TENM3: variants seen among roughly 807,000 people sequenced by gnomAD.
The protein encoded by TENM3 is teneurin-3.
In TENM3, 63 loss-of-function variants were observed where a neutral mutation model predicts 255.1. That is an observed-to-expected ratio of 0.25 (90% CI 0.20 to 0.30). The LOEUF (loss-of-function observed/expected upper bound fraction) is 0.30, where lower values mean the gene tolerates loss of function less well. TENM3 is among the 10% of genes least tolerant of loss of function. The probability of loss-of-function intolerance (pLI) is 1.00; values close to 1 mark genes in which losing one functional copy is unlikely to be tolerated. For missense variants in TENM3, 2,929 were observed against 3,461.1 expected (o/e 0.85, Z 3.86); for synonymous variants, 1,306 against 1,322.3 (o/e 0.99, Z 0.27).
At chr4:182,681,442 C>G (rs1274209990) in intron 10 of TENM3, among the ~76,000 whole-genome samples, 1 of 152,174 alleles carries the variant, frequency 6.6e-6, no homozygotes, top group Non-Finnish European at 1.5e-5. Flanking sequence ...ATTTCTCAAA[C>G]AGTGTGAGGA....
intron 22 of TENM3, among the ~76,000 whole-genome samples, chr4:182,767,226 T>C (rs933112615): frequency 1.3e-5 from 2 of 152,226 alleles, no homozygotes; most frequent in Admixed American, 6.5e-5. Flanking sequence ...GTAAAATCTT[T>C]CGCTGTTGCT....
chr4:182,216,980 T>C (rs1755513518), intron 1 of TENM3, among the ~76,000 whole-genome samples: 1 of 150,882 alleles, frequency 6.6e-6, no homozygotes, highest in Non-Finnish European at 1.5e-5. Context: ...TGTATAAGTA[T>C]TTTTCTAAAT....
In TENM3 at chr4:182,161,673, A is replaced by ATATATATACACATATATATG. The variant is rs1386724701; in HGVS notation, c.-76+16920_-76+16921insATATATACACATATATATGT. Among the ~76,000 whole-genome samples the ATATATATACACATATATATG allele has an allele frequency of 6.5e-4, 39 of 60,022 alleles. 1 individual carries two copies. Among genetic ancestry groups the ATATATATACACATATATATG allele is most frequent in the Non-Finnish European group, 1.0e-3 (32 of 30,482 alleles). 39.4% of individuals were successfully genotyped at this position (60,022 alleles called of 152,430 possible). On this transcript the variant is annotated intron_variant, in intron 1 of 2. Transcript: ENST00000512480. ...TATATACACACACACAAATATATATATGTATATATATACACAAATATATAT... is the reference window on the plus strand; with the variant it reads ...TATATACACACACACAAATATATATATATATATACACATATATATGTGTATATATATACACAAATATATAT...
At chr4:181,741,231 T>C in the TENM3 span, among the ~76,000 whole-genome samples, 1 of 152,240 alleles carries the variant, frequency 6.6e-6, no homozygotes, top group Non-Finnish European at 1.5e-5. Context: ...GAATGAAATA[T>C]ATACCTCAAC....
At chr4:181,592,036 G>A in the TENM3 span, among the ~76,000 whole-genome samples, 1 of 152,128 alleles carries the variant, frequency 6.6e-6, no homozygotes, top group Admixed American at 6.5e-5. Context: ...TCAGTGACAG[G>A]AAGCAGATTA....
chr4:181,506,390 C>A, the TENM3 span, among the ~76,000 whole-genome samples: 4 of 150,588 alleles, frequency 2.7e-5, no homozygotes, highest in African/African-American at 9.7e-5. Flanking sequence ...ACGGAATGTT[C>A]ATTTCTGGCC....
At position 182,789,107 on chromosome 4, in the gene TENM3, C is replaced by T; in HGVS notation, c.5319C>T (p.Asn1773=). The T allele has an allele frequency of 1.2e-6, 2 of 1,607,378 alleles. No individual in the cohort carries two copies. Among genetic ancestry groups the T allele is most frequent in the Non-Finnish European group, 1.7e-6 (2 of 1,175,030 alleles). Residue 1773 remains asparagine (N), a synonymous_variant, in exon 25 of 28, where the codon AAC becomes AAT. Transcript: ENST00000511685. The surrounding 1 kb of genome is among the most constrained non-coding windows in gnomAD (Gnocchi z 4.4). ...TGTTGTAACAGGTTAATGGCAGAAA[C>T]CTCCTTTCAGTTGACTTTGATCGAA... ...FGRKLRVNGR[N]LLSVDFDRTT... is the part of the protein sequence containing the mutation.
At chr4:182,002,847 C>A in the TENM3 span, among the ~76,000 whole-genome samples, 4 of 152,188 alleles carry the variant, frequency 2.6e-5, no homozygotes, top group East Asian at 7.7e-4. Context: ...CATATTTTTC[C>A]CTTAAGCAAC....
intron 3 of TENM3, among the ~76,000 whole-genome samples, chr4:182,402,747 T>C (rs1006822750): frequency 3.3e-5 from 5 of 152,218 alleles, no homozygotes; most frequent in Non-Finnish European, 1.5e-5. Context: ...GAAATTATGC[T>C]AATGCATTTT....
At chr4:182,051,400 T>G in the TENM3 span, among the ~76,000 whole-genome samples, 2 of 140,698 alleles carry the variant, frequency 1.4e-5, no homozygotes, top group South Asian at 4.5e-4. Flanking sequence ...TTTTTGGAGA[T>G]GGAGTCTTGC....
At chr4:181,618,261 C>T in the TENM3 span, among the ~76,000 whole-genome samples, 2 of 152,146 alleles carry the variant, frequency 1.3e-5, no homozygotes, top group Non-Finnish European at 2.9e-5. Context: ...TCAGTCCTCT[C>T]ATCACTCTTT....
intron 3 of TENM3, among the ~76,000 whole-genome samples, chr4:182,407,697 T>C (rs988463583): frequency 1.3e-5 from 2 of 152,224 alleles, no homozygotes; most frequent in African/African-American, 4.8e-5. Context: ...CTCTGAATTT[T>C]AAAAGTTGCT....
At chr4:182,536,989 T>C (rs1432642804) in intron 3 of TENM3, among the ~76,000 whole-genome samples, 3 of 152,180 alleles carry the variant, frequency 2.0e-5, no homozygotes, top group African/African-American at 7.2e-5. Flanking sequence ...TGGCAAGATA[T>C]CGATACACTA....
chr4:182,699,384 T>C (rs1206989404), intron 12 of TENM3, among the ~76,000 whole-genome samples: 2 of 152,240 alleles, frequency 1.3e-5, no homozygotes, highest in Non-Finnish European at 2.9e-5. Flanking sequence ...ACCCGATTCC[T>C]TCCTTTCCCA....
At chr4:181,699,937 G>A in the TENM3 span, among the ~76,000 whole-genome samples, 1 of 152,176 alleles carries the variant, frequency 6.6e-6, no homozygotes, top group Non-Finnish European at 1.5e-5. Flanking sequence ...TGACAAATGA[G>A]CGTAGCATTC....
chr4:181,767,589 T>C, the TENM3 span, among the ~76,000 whole-genome samples: 14 of 152,214 alleles, frequency 9.2e-5, no homozygotes, highest in African/African-American at 3.1e-4. Flanking sequence ...CAGAATCACC[T>C]GGGAGGCTTA....
chr4:182,616,299 T>C (rs1749509610), intron 4 of TENM3, among the ~76,000 whole-genome samples: 1 of 151,120 alleles, frequency 6.6e-6, no homozygotes, highest in Non-Finnish European at 1.5e-5. Flanking sequence ...CGGTGTTTGG[T>C]TTTTTGTTCT....
chr4:182,279,803 C>G (rs946537587), intron 1 of TENM3, among the ~76,000 whole-genome samples: 1 of 152,108 alleles, frequency 6.6e-6, no homozygotes, highest in Non-Finnish European at 1.5e-5. Flanking sequence ...TGGTCACATC[C>G]CAGGAGCTCT....
At chr4:182,743,460 C>G in intron 19 of TENM3, 41 bp downstream of exon 19, 2 of 1,596,458 alleles carry the variant, frequency 1.3e-6, no homozygotes, top group South Asian at 2.2e-5. Flanking sequence ...CAAAGCTAAA[C>G]GTGCCTCTTT....
Sources: gnomAD v4.1 joint callset for allele counts (sites outside exome capture counted in the v4.1 genomes callset) on GRCh38, gnomAD v4.1.1 for gene constraint, Gnocchi (gnomAD v3.1) non-coding constraint, MANE v1.5 for transcripts, NCBI Gene and HGNC (gene_info 2026-07-23, HGNC 2026-07-21) for gene names.